ABI3BP: variants seen among roughly 807,000 people sequenced by gnomAD.
The protein encoded by ABI3BP is target of Nesh-SH3.
ABI3BP carries 216 observed loss-of-function variants against 268.6 expected under a neutral mutation model. The ratio of observed to expected loss-of-function variants is 0.80; its 90% CI spans 0.72 to 0.90. ABI3BP has a LOEUF of 0.90. ABI3BP is among the 40% of genes least tolerant of loss of function. The pLI is 0.00. For synonymous variants in ABI3BP, 730 were observed against 730.0 expected, an observed-to-expected ratio of 1.00 and a Z score of 0.00; for missense variants, 2,090 against 2,182.4, an observed-to-expected ratio of 0.96 and a Z score of 0.84.
At chr3:100,757,578 C>G (rs547066740) in intron 63 of ABI3BP, among the ~76,000 whole-genome samples, 81 of 152,196 alleles carry the variant, frequency 5.3e-4, no homozygotes, top group Non-Finnish European at 9.6e-4. Context: ...AAAAATATTG[C>G]CTTTTATAAC....
intron 2 of ABI3BP, among the ~76,000 whole-genome samples, chr3:100,906,996 G>T (rs1164775582): frequency 1.3e-5 from 2 of 152,110 alleles, no homozygotes; most frequent in African/African-American, 2.4e-5. Flanking sequence ...TTAGGTAAGG[G>T]GGCCTGAAAA....
chr3:100,884,259 A>G (rs1254321839), intron 6 of ABI3BP, among the ~76,000 whole-genome samples: 6 of 151,920 alleles, frequency 3.9e-5, no homozygotes. Flanking sequence ...AAAACCAACC[A>G]AACAGACAAG....
At chr3:100,959,981 C>A (rs907286057) in intron 1 of ABI3BP, among the ~76,000 whole-genome samples, 1 of 151,858 alleles carries the variant, frequency 6.6e-6, no homozygotes, top group Non-Finnish European at 1.5e-5. Flanking sequence ...TTGCAAAGAA[C>A]CAAAAGAAAA....
intron 1 of ABI3BP, among the ~76,000 whole-genome samples, chr3:100,968,480 A>C (rs2082199445): frequency 6.6e-6 from 1 of 152,194 alleles, no homozygotes; most frequent in Non-Finnish European, 1.5e-5. Context: ...ATCAAATAGG[A>C]AAGTGAAAAC....
At chr3:100,822,807 C>T in intron 37 of ABI3BP, 135 bp from the exon 38 acceptor site, 1 of 649,424 alleles carries the variant, frequency 1.5e-6, no homozygotes, top group Non-Finnish European at 2.7e-6. Context: ...CACATGCATT[C>T]CTCCTTATAG....
intron 40 of ABI3BP, among the ~76,000 whole-genome samples, chr3:100,819,987 A>G (rs1056749675): frequency 6.6e-6 from 1 of 152,006 alleles, no homozygotes; most frequent in African/African-American, 2.4e-5. Context: ...TTAGTAAATA[A>G]GATACACAGT....
rs2098770139 is a variant in ABI3BP, at chr3:100,846,494, T to C, written c.1649-48A>G. The C allele has an allele frequency of 2.9e-6, 4 of 1,366,228 alleles. No individual in the cohort carries two copies. The African/African-American group carries it at 4.4e-5, about 15-fold the overall frequency. 84.6% of individuals were successfully genotyped at this position (1,366,228 alleles called of 1,614,324 possible). On this transcript the variant is annotated intron_variant, in intron 19 of 67. Coordinates refer to ENST00000471714, the MANE Select transcript of ABI3BP (RefSeq NM_001375547.2). ...TAATAAACAAATCAATATTTAGGCA[T>C]TTCAGTGTCTAAAAACACAGAAGGA... is the stretch of plus-strand genomic sequence containing the variant.
rs752434723 is a variant in ABI3BP at position 100,866,875 on chromosome 3, T to C, written c.988+4A>G. 4 of 1,612,786 alleles carry C rather than the reference T, an allele frequency of 2.5e-6. No individual in the cohort carries two copies. The South Asian group carries it at 3.3e-5, about 13-fold the overall frequency. On this transcript the variant is annotated splice_donor_region_variant and intron_variant, in intron 10 of 67. Transcript: ENST00000471714. ...CAAGGTCAACAACATAGCGATCTCA[T>C]TACCTGTTGTGGGTCGTGCTGAGAT...
chr3:100,965,506 CAAAA>C (rs10576624), intron 1 of ABI3BP, among the ~76,000 whole-genome samples: 10 of 146,648 alleles, frequency 6.8e-5, no homozygotes, highest in Admixed American at 3.4e-4. Flanking sequence ...CTGAATAAAA[CAAAA>C]AAAAAAAAAC....
chr3:100,887,879 C>T lies in ABI3BP; in HGVS notation c.462-1556G>A, dbSNP rs1188045074. Among the ~76,000 whole-genome samples, 3 of 151,948 alleles carry T rather than the reference C, an allele frequency of 2.0e-5. No individual in the cohort carries two copies. In the East Asian group the frequency reaches 5.8e-4, roughly 29 times the overall value. The stretch of plus-strand genomic sequence containing the variant: ...AAAACTGGCTACGTAATTTGTGGGG[C>T]TCAATAAGAAATGAACACGTAGACT... On this transcript the variant is annotated intron_variant, in intron 4 of 67. Coordinates refer to ENST00000471714, the MANE Select transcript of ABI3BP (RefSeq NM_001375547.2).
intron 2 of ABI3BP, among the ~76,000 whole-genome samples, chr3:100,913,600 T>C (rs769048782): frequency 2.0e-5 from 3 of 152,158 alleles, no homozygotes; most frequent in South Asian, 2.1e-4. Context: ...TCAAGTAGAA[T>C]AGAGTAGCAT....
At chr3:100,867,067 C>T (rs1455556677) in intron 9 of ABI3BP, 111 bp from the exon 10 acceptor site, 3 of 742,654 alleles carry the variant, frequency 4.0e-6, no homozygotes. Context: ...TCCTTCCCCA[C>T]CAGCCAGTCA....
chr3:100,953,574 T>G (rs1479842553), intron 1 of ABI3BP, among the ~76,000 whole-genome samples: 2 of 151,826 alleles, frequency 1.3e-5, no homozygotes, highest in African/African-American at 4.8e-5. Context: ...TTCTGAGGCA[T>G]GTAAGAAGAT....
At chr3:100,910,563 A>C (rs1385937847) in intron 2 of ABI3BP, among the ~76,000 whole-genome samples, 3 of 150,436 alleles carry the variant, frequency 2.0e-5, no homozygotes, top group Non-Finnish European at 4.4e-5. Flanking sequence ...AAAAATAGAG[A>C]TGGGTCTCAC....
intron 55 of ABI3BP, among the ~76,000 whole-genome samples, chr3:100,790,668 A>G (rs1431286007): frequency 6.6e-6 from 1 of 151,994 alleles, no homozygotes; most frequent in African/African-American, 2.4e-5. Context: ...AACCATAAAA[A>G]TTAATTCTCA....
At chr3:100,824,708 A>G in intron 36 of ABI3BP, 150 bp downstream of exon 36, 1 of 525,470 alleles carries the variant, frequency 1.9e-6, no homozygotes, top group Non-Finnish European at 3.2e-6. Flanking sequence ...TCTCCTTGAA[A>G]GCTGAGCAGA....
chr3:100,866,532 T>C (rs770161070), intron 10 of ABI3BP, among the ~76,000 whole-genome samples: 6 of 152,308 alleles, frequency 3.9e-5, no homozygotes, highest in Admixed American at 6.5e-5. Context: ...ACTGACCACT[T>C]GTAAAAGTGT....
chr3:100,840,892 T>G, intron 21 of ABI3BP, 34 bp from the exon 22 acceptor site: 1 of 1,514,102 alleles, frequency 6.6e-7, no homozygotes, highest in African/African-American at 1.4e-5. Context: ...CAAGAAAGAA[T>G]CAAGATCAAA....
intron 2 of ABI3BP, among the ~76,000 whole-genome samples, chr3:100,905,950 T>G (rs1203585833): frequency 1.3e-5 from 2 of 152,214 alleles, no homozygotes; most frequent in Non-Finnish European, 2.9e-5. Flanking sequence ...TCCATGTTTT[T>G]GAACCAGGGG....
Sources: allele counts gnomAD v4.1 joint callset (sites outside exome capture counted in the v4.1 genomes callset), GRCh38; gene constraint gnomAD v4.1.1; transcripts MANE v1.5; gene names NCBI Gene and HGNC (gene_info 2026-07-23, HGNC 2026-07-21).